The following EYS variants were observed in gnomAD, a reference collection of about 807,000 sequenced individuals.
EYS encodes protein eyes shut homolog.
In EYS, 250 loss-of-function variants were observed where a neutral mutation model predicts 282.1. The ratio of observed to expected loss-of-function variants is 0.89; its 90% CI spans 0.80 to 0.98. The LOEUF is 0.98. Among genes scored for constraint, EYS ranks in the 50% least tolerant of loss-of-function variants. The pLI is 0.00. For synonymous variants in EYS, 1,355 were observed against 1,282.9 expected (o/e 1.06, Z -1.20); for missense variants, 4,016 against 3,709.0 (o/e 1.08, Z -2.15).
intron 31 of EYS, among the ~76,000 whole-genome samples, chr6:64,193,379 C>T (rs1326667216): frequency 4.0e-5 from 6 of 151,768 alleles, no homozygotes; most frequent in Admixed American, 6.6e-5. Context: ...GGCGTGATCT[C>T]GGCTCACTAC....
intron 35 of EYS, among the ~76,000 whole-genome samples, chr6:63,918,920 C>T (rs1562095778): frequency 6.6e-6 from 1 of 152,162 alleles, no homozygotes; most frequent in Non-Finnish European, 1.5e-5. Flanking sequence ...TCAGGAGTGG[C>T]TGCTCCAGTC....
At chr6:64,317,654 T>G (rs140891654) in intron 29 of EYS, among the ~76,000 whole-genome samples, 7 of 152,262 alleles carry the variant, frequency 4.6e-5, no homozygotes, top group African/African-American at 1.7e-4. Context: ...AGATATACCA[T>G]TTGACCCAGC....
chr6:63,946,729 T>A (rs1045180858), intron 35 of EYS, among the ~76,000 whole-genome samples: 1 of 69,336 alleles, frequency 1.4e-5, no homozygotes, highest in Non-Finnish European at 3.1e-5. Context: ...ATGAACTATT[T>A]TTTTTTTTTT....
intron 14 of EYS, among the ~76,000 whole-genome samples, chr6:64,953,277 C>G (rs9351473): frequency 0.067 from 10,191 of 151,476 alleles, 434 homozygotes; most frequent in East Asian, 0.13. Context: ...TAGATATATA[C>G]TGAAAAAAAT....
chr6:65,138,140 C>T (rs1009431650), intron 12 of EYS, among the ~76,000 whole-genome samples: 1 of 151,942 alleles, frequency 6.6e-6, no homozygotes, highest in Admixed American at 6.6e-5. Context: ...ATGAAAGAGA[C>T]TTTTTCAATG....
intron 19 of EYS, among the ~76,000 whole-genome samples, chr6:64,882,151 A>G (rs1766944950): frequency 6.6e-6 from 1 of 151,756 alleles, no homozygotes; most frequent in African/African-American, 2.4e-5. Flanking sequence ...ATACCAGTAC[A>G]CAGTACCCAA....
At chr6:65,025,751 CT>C (rs1324905550) in intron 13 of EYS, among the ~76,000 whole-genome samples, 1 of 152,070 alleles carries the variant, frequency 6.6e-6, no homozygotes, top group Non-Finnish European at 1.5e-5. Context: ...AAAACAATTT[CT>C]TGCTTCCTGA....
chr6:64,082,912 CTTT>C (rs34941425), intron 31 of EYS, among the ~76,000 whole-genome samples: 1 of 142,496 alleles, frequency 7.0e-6, no homozygotes, highest in Non-Finnish European at 1.5e-5. Flanking sequence ...AATGCAACTT[CTTT>C]TTTTTTTTTT....
At chr6:65,199,588 T>C (rs1261246173) in intron 12 of EYS, among the ~76,000 whole-genome samples, 2 of 152,100 alleles carry the variant, frequency 1.3e-5, no homozygotes, top group South Asian at 2.1e-4. Flanking sequence ...GTGTCTATCA[T>C]AGCAAATATT....
chr6:64,975,750 A>G (rs1770455188), intron 14 of EYS, among the ~76,000 whole-genome samples: 5 of 151,926 alleles, frequency 3.3e-5, no homozygotes, highest in Admixed American at 3.3e-4. Flanking sequence ...TATAATTCAT[A>G]AATTTTCTTT....
intron 5 of EYS, among the ~76,000 whole-genome samples, chr6:65,413,980 A>G (rs932881422): frequency 6.6e-6 from 1 of 152,150 alleles, no homozygotes; most frequent in Admixed American, 6.6e-5. Flanking sequence ...TGTTGCCTTC[A>G]TTTAAATATA....
chr6:65,344,238 TTA>T, intron 9 of EYS, 61 bp from the exon 10 acceptor site: 6 of 1,352,342 alleles, frequency 4.4e-6, no homozygotes, highest in Non-Finnish European at 6.3e-6. Flanking sequence ...TCAGAATGAA[TTA>T]TTAAGGACTG....
chr6:65,494,838 A>C lies in EYS; in HGVS notation c.573T>G (p.Ser191Arg). ...AGCTATATGTCTTGCTCCAAGCTTC[A>C]CTAAGACATTTACCATGACCAGAGC... Reference protein sequence around the residue: ...EFCSGHGKCLSEAWSKTYSCH... With the variant: ...EFCSGHGKCLREAWSKTYSCH... Residue 191 changes from serine to arginine, a missense_variant, in exon 4 of 43, where the codon AGT becomes AGG. Coordinates refer to ENST00000503581, the MANE Select transcript of EYS (RefSeq NM_001142800.2). 1 of 1,614,110 alleles carries C rather than the reference A, an allele frequency of 6.2e-7. No individual in the cohort carries two copies. The highest frequency in any genetic ancestry group is 8.5e-7 in the Non-Finnish European group (1 of 1,180,006).
intron 2 of EYS, among the ~76,000 whole-genome samples, chr6:65,549,312 G>A (rs1370619987): frequency 1.5e-5 from 2 of 137,714 alleles, no homozygotes; most frequent in Admixed American, 7.3e-5. Context: ...AAATGCCCAT[G>A]GGGAGAACTG....
At chr6:64,926,655 T>C (rs939657729) in intron 15 of EYS, among the ~76,000 whole-genome samples, 7 of 152,144 alleles carry the variant, frequency 4.6e-5, no homozygotes, top group African/African-American at 1.7e-4. Context: ...GTGCCCAAAG[T>C]TTTCTTTAAC....
At chr6:65,413,201 A>G (rs948592295) in intron 5 of EYS, among the ~76,000 whole-genome samples, 2 of 152,142 alleles carry the variant, frequency 1.3e-5, no homozygotes, top group Non-Finnish European at 2.9e-5. Flanking sequence ...CTTATGTAAA[A>G]TATTCTTCAT....
chr6:64,722,146 G>A (rs1023946878), intron 22 of EYS, among the ~76,000 whole-genome samples: 1 of 152,024 alleles, frequency 6.6e-6, no homozygotes, highest in African/African-American at 2.4e-5. Flanking sequence ...ATCTGATTTA[G>A]GTAGGAAAGA....
At chr6:65,211,137 C>T (rs190562255) in intron 12 of EYS, among the ~76,000 whole-genome samples, 22 of 152,008 alleles carry the variant, frequency 1.4e-4, no homozygotes, top group Non-Finnish European at 2.9e-4. Context: ...TCAAGAAAAC[C>T]TATTACTCTT....
At chr6:64,494,547 T>C (rs1385601742) in intron 26 of EYS, among the ~76,000 whole-genome samples, 1 of 151,412 alleles carries the variant, frequency 6.6e-6, no homozygotes, top group African/African-American at 2.4e-5. Flanking sequence ...GACATCCAAA[T>C]AAACTGTTAT....
Sources: gnomAD v4.1 joint callset for allele counts (sites outside exome capture counted in the v4.1 genomes callset) on GRCh38, gnomAD v4.1.1 for gene constraint, MANE v1.5 for transcripts, NCBI Gene and HGNC (gene_info 2026-07-23, HGNC 2026-07-21) for gene names.